SORT1: variants seen among roughly 807,000 people sequenced by gnomAD.
SORT1 encodes sortilin 1.
In SORT1, 39 loss-of-function variants were observed where a neutral mutation model predicts 101.7. The observed-to-expected ratio is 0.38, with a 90% confidence interval of 0.30 to 0.50. The LOEUF (loss-of-function observed/expected upper bound fraction) is 0.50. SORT1 is among the 20% of genes least tolerant of loss of function. The pLI, the probability that SORT1 is intolerant of heterozygous loss-of-function variation, is 0.90. For synonymous variants in SORT1, 396 were observed against 393.7 expected (o/e 1.01, Z -0.07); for missense variants, 878 against 1,040.4 (o/e 0.84, Z 2.15).
intron 1 of SORT1, among the ~76,000 whole-genome samples, chr1:109,378,748 AT>A (rs1652034153): frequency 5.1e-5 from 4 of 78,458 alleles, no homozygotes; most frequent in Middle Eastern, 7.0e-3. Context: ...ATATATATAT[AT>A]ATATATATAT....
chr1:109,313,282 A>G lies in SORT1; in HGVS notation c.*761T>C, dbSNP rs529033232. 11 of 152,738 alleles carry G rather than the reference A, an allele frequency of 7.2e-5. No individual in the cohort carries two copies. The highest frequency in any genetic ancestry group is 2.4e-5 in the African/African-American group (1 of 41,462). The allele number at this position is 152,738 out of a possible 1,614,324, so 9.5% of individuals were successfully genotyped here. Reference sequence around the variant, plus strand: ...CAAGAGTTCTCTTTTAATAGGTGCTATATCTAGTCAATTCTCTGCTGCTCC... The same window carrying G: ...CAAGAGTTCTCTTTTAATAGGTGCTGTATCTAGTCAATTCTCTGCTGCTCC... On this transcript the variant is annotated 3_prime_UTR_variant, in exon 20 of 20. Coordinates refer to ENST00000256637, the MANE Select transcript of SORT1 (RefSeq NM_002959.7).
chr1:109,361,289 T>C (rs1260195644), intron 3 of SORT1, among the ~76,000 whole-genome samples: 3 of 152,246 alleles, frequency 2.0e-5, no homozygotes, highest in Non-Finnish European at 2.9e-5. Context: ...CACTAGAACA[T>C]GAACACAATT....
Position 109,342,047 on chromosome 1 carries a change from C to G in SORT1, c.1075G>C (p.Asp359His). ...TCATCTACATGCATGAATACCATGT[C>G]ATCATTTGCTGCCAGAATAGAATAG... The part of the protein sequence containing the change: ...QFYSILAAND[D>H]MVFMHVDEPG... The change falls in exon 9 of 20, where the codon GAC becomes CAC. Residue 359 changes from aspartate (D) to histidine (H), a missense_variant. Coordinates refer to ENST00000256637, the MANE Select transcript of SORT1 (RefSeq NM_002959.7). 1 of 1,613,822 alleles carries G rather than the reference C, an allele frequency of 6.2e-7. No individual in the cohort carries two copies. The highest frequency in any genetic ancestry group is 8.5e-7 in the Non-Finnish European group (1 of 1,179,930).
chr1:109,323,065 C>G lies in SORT1; in HGVS notation c.1891G>C (p.Glu631Gln), dbSNP rs1414007731. 1 of 1,614,156 alleles carries G rather than the reference C, an allele frequency of 6.2e-7. No homozygotes were observed. ...LAHSTDPEDY[E>Q]DGCILGYKEQ... ...TTGTAGCCCAAAATGCAGCCATCTT[C>G]ATAATCTTCAGGGTCTGTGGAGTGT... The change falls in exon 15 of 20, where the codon GAA becomes CAA. Residue 631 changes from glutamate to glutamine, a missense_variant. Transcript: ENST00000256637.
At chr1:109,392,253 C>A (rs901033088) in intron 1 of SORT1, among the ~76,000 whole-genome samples, 1 of 152,136 alleles carries the variant, frequency 6.6e-6, no homozygotes, top group African/African-American at 2.4e-5. Context: ...GATGGTCACA[C>A]AAGGGTAACA....
At chr1:109,342,245 C>CTAT in intron 8 of SORT1, 87 bp from the exon 9 acceptor site, 1 of 994,768 alleles carries the variant, frequency 1.0e-6, no homozygotes, top group South Asian at 1.5e-5. Context: ...TAAATAACTA[C>CTAT]TATTATCCAT....
intron 1 of SORT1, among the ~76,000 whole-genome samples, chr1:109,393,685 A>G (rs1229682766): frequency 6.6e-6 from 1 of 152,216 alleles, no homozygotes; most frequent in Non-Finnish European, 1.5e-5. Flanking sequence ...AAGATTATTG[A>G]GTCTAAGAAG....
At chr1:109,336,751 G>A (rs1368025121) in intron 10 of SORT1, among the ~76,000 whole-genome samples, 1 of 151,302 alleles carries the variant, frequency 6.6e-6, no homozygotes, top group Non-Finnish European at 1.5e-5. Context: ...GGGGGCTGCA[G>A]GGGGTCAAGA....
intron 3 of SORT1, among the ~76,000 whole-genome samples, chr1:109,357,362 G>A (rs1370138440): frequency 1.3e-5 from 2 of 152,220 alleles, no homozygotes; most frequent in African/African-American, 2.4e-5. Flanking sequence ...ACAGGTTTTG[G>A]TAGCGGCCTC....
chr1:109,369,523 G>A lies in SORT1; in HGVS notation c.366+7C>T. 6.3e-7 allele frequency: 1 copy of A among 1,578,422 alleles called. No homozygotes were observed. The highest frequency in any genetic ancestry group is 1.1e-5 in the South Asian group (1 of 90,302). On this transcript the variant is annotated splice_region_variant and intron_variant, in intron 2 of 19. Transcript: ENST00000256637. ...GGCTGAAATAACAGACTCAAAATAT[G>A]ACTTACCCCAGTGCTATCTCCAACC...
chr1:109,345,134 T>C (rs138770867), intron 8 of SORT1, among the ~76,000 whole-genome samples: 1 of 152,386 alleles, frequency 6.6e-6, no homozygotes, highest in Non-Finnish European at 1.5e-5. Context: ...CAATTAATGT[T>C]ATCTAATTGT....
chr1:109,379,451 T>C (rs1283407444), intron 1 of SORT1, among the ~76,000 whole-genome samples: 1 of 152,234 alleles, frequency 6.6e-6, no homozygotes, highest in Admixed American at 6.5e-5. Context: ...GAGAACACGA[T>C]CTGGTCACTT....
chr1:109,350,404 T>A (rs1649880665), intron 6 of SORT1, among the ~76,000 whole-genome samples: 1 of 152,152 alleles, frequency 6.6e-6, no homozygotes, highest in Non-Finnish European at 1.5e-5. Flanking sequence ...AAGAGCTCCC[T>A]CCACTCCATC....
chr1:109,383,324 T>C (rs1292118850), intron 1 of SORT1, among the ~76,000 whole-genome samples: 4 of 152,196 alleles, frequency 2.6e-5, no homozygotes, highest in African/African-American at 9.7e-5. Flanking sequence ...TCAACAAATA[T>C]GTCTGCATGC....
chr1:109,339,373 T>G (rs773474573), intron 10 of SORT1, among the ~76,000 whole-genome samples: 1 of 152,188 alleles, frequency 6.6e-6, no homozygotes, highest in Non-Finnish European at 1.5e-5. Flanking sequence ...GTGCAAAAAT[T>G]GTCATAAGCA....
chr1:109,392,763 C>T, intron 1 of SORT1: 2 of 984,428 alleles, frequency 2.0e-6, no homozygotes, highest in Non-Finnish European at 2.4e-6. Context: ...ATTTTAACAT[C>T]CCTCTAGGGG....
chr1:109,368,033 C>T (rs542351279), intron 2 of SORT1, among the ~76,000 whole-genome samples: 4 of 152,196 alleles, frequency 2.6e-5, no homozygotes, highest in African/African-American at 9.6e-5. Flanking sequence ...GTGGCTCACG[C>T]CTGTAATCAC....
intron 2 of SORT1, chr1:109,368,689 A>G (rs957305408): frequency 6.6e-6 from 1 of 152,216 alleles, no homozygotes; most frequent in African/African-American, 2.4e-5. Context: ...CAGGAGGGAT[A>G]AGGAGCTGAC....
chr1:109,342,153 T>C lies in SORT1; in HGVS notation c.969A>G (p.Thr323=). 3 of 1,610,310 alleles carry C rather than the reference T, an allele frequency of 1.9e-6. No individual in the cohort carries two copies. The highest frequency in any genetic ancestry group is 1.7e-6 in the Non-Finnish European group (2 of 1,177,082). ...LFASVMADKD[T]TRRIHVSTDQ... ...CTGTTGAAACGTGGATCCTTCTTGT[T>C]GTATCCTAGAACAGATGTCAATATT... The change falls in exon 9 of 20, where the codon ACA becomes ACG. Residue 323 remains threonine (T), a synonymous_variant. Transcript: ENST00000256637.
Sources: allele counts gnomAD v4.1 joint callset (sites outside exome capture counted in the v4.1 genomes callset), GRCh38; gene constraint gnomAD v4.1.1; transcripts MANE v1.5; gene names NCBI Gene and HGNC (gene_info 2026-07-23, HGNC 2026-07-21).